The following AFG2A variants were observed in gnomAD, a reference collection of about 807,000 sequenced individuals.
AFG2A encodes the protein AAA ATPase AFG2A, also known as ATPase family gene 2 protein homolog A.
chr4:122,945,588 T>C, the AFG2A span, among the ~76,000 whole-genome samples: 4 of 152,306 alleles, frequency 2.6e-5, no homozygotes, highest in South Asian at 8.3e-4. Flanking sequence ...CCTGACCCCT[T>C]GCACTTCCCG....
the AFG2A span, among the ~76,000 whole-genome samples, chr4:123,023,321 T>A: frequency 6.6e-6 from 1 of 152,096 alleles, no homozygotes; most frequent in Non-Finnish European, 1.5e-5. Flanking sequence ...TCACACAATA[T>A]ACTTGTGTAA....
At chr4:123,028,034 G>T in the AFG2A span, 1 of 599,006 alleles carries the variant, frequency 1.7e-6, no homozygotes, top group Non-Finnish European at 2.8e-6. Context: ...TTTACTTCTT[G>T]TTATTCTTGG....
At chr4:123,216,673 T>TC in the AFG2A span, among the ~76,000 whole-genome samples, 1 of 151,436 alleles carries the variant, frequency 6.6e-6, no homozygotes, top group Non-Finnish European at 1.5e-5. Flanking sequence ...ACTTTTTTTT[T>TC]TTTTTTTAAA....
At chr4:123,072,970 T>C in the AFG2A span, among the ~76,000 whole-genome samples, 1 of 152,152 alleles carries the variant, frequency 6.6e-6, no homozygotes, top group African/African-American at 2.4e-5. Flanking sequence ...ATGTGATGTT[T>C]TGCTATATGT....
At chr4:123,292,596 G>A in the AFG2A span, among the ~76,000 whole-genome samples, 1 of 152,104 alleles carries the variant, frequency 6.6e-6, no homozygotes, top group Non-Finnish European at 1.5e-5. Context: ...ACCTAGCTTA[G>A]GCTCTGAGTG....
chr4:123,216,572 AAC>A, the AFG2A span, among the ~76,000 whole-genome samples: 2 of 152,342 alleles, frequency 1.3e-5, no homozygotes, highest in East Asian at 3.9e-4. Context: ...AACTATAAAT[AAC>A]ACAACATTTA....
chr4:123,114,051 G>T, the AFG2A span, among the ~76,000 whole-genome samples: 1 of 151,868 alleles, frequency 6.6e-6, no homozygotes, highest in Non-Finnish European at 1.5e-5. Flanking sequence ...AGGCCCTGAA[G>T]AGGGTAGACT....
the AFG2A span, among the ~76,000 whole-genome samples, chr4:123,250,119 A>G: frequency 3.1e-4 from 47 of 152,262 alleles, no homozygotes; most frequent in South Asian, 7.0e-3. Flanking sequence ...CAAGGTGTCT[A>G]TTTTAATACT....
chr4:123,254,565 AC>A, the AFG2A span, among the ~76,000 whole-genome samples: 3 of 151,900 alleles, frequency 2.0e-5, no homozygotes, highest in East Asian at 5.8e-4. Flanking sequence ...CTGTAGATAC[AC>A]ACAGAGAGAG....
chr4:123,232,631 G>A, the AFG2A span, among the ~76,000 whole-genome samples: 1 of 152,008 alleles, frequency 6.6e-6, no homozygotes, highest in African/African-American at 2.4e-5. Context: ...GAGTGTGGAA[G>A]AAAGAGATTG....
the AFG2A span, among the ~76,000 whole-genome samples, chr4:123,179,990 C>T: frequency 2.6e-5 from 4 of 152,154 alleles, no homozygotes; most frequent in South Asian, 4.2e-4. Flanking sequence ...GAGGCTGAGG[C>T]GGGAAGATCA....
the AFG2A span, among the ~76,000 whole-genome samples, chr4:123,074,447 CT>C: frequency 0.47 from 17,655 of 37,258 alleles, 2,602 homozygotes; most frequent in African/African-American, 0.53. Flanking sequence ...TTCTTTTTTT[CT>C]TTTTTTTTTT....
At chr4:122,939,079 T>C in the AFG2A span, among the ~76,000 whole-genome samples, 15 of 118,088 alleles carry the variant, frequency 1.3e-4, no homozygotes, top group South Asian at 2.7e-4. Flanking sequence ...TTCTTTCTTT[T>C]TTTTTTTTTT....
At chr4:122,998,171 G>A in the AFG2A span, among the ~76,000 whole-genome samples, 2 of 151,824 alleles carry the variant, frequency 1.3e-5, no homozygotes, top group African/African-American at 4.8e-5. Context: ...GTATCTTTTT[G>A]TTGTTGTTGT....
the AFG2A span, among the ~76,000 whole-genome samples, chr4:123,030,409 A>G: frequency 2.0e-5 from 3 of 152,204 alleles, no homozygotes; most frequent in East Asian, 5.8e-4. Flanking sequence ...TCTTTTTTTC[A>G]CTATGAGGAA....
At chr4:123,103,811 C>T in the AFG2A span, among the ~76,000 whole-genome samples, 3 of 151,982 alleles carry the variant, frequency 2.0e-5, no homozygotes, top group South Asian at 4.2e-4. Context: ...ACTACTCAGT[C>T]ATGAAAAGGA....
the AFG2A span, among the ~76,000 whole-genome samples, chr4:123,272,549 T>C: frequency 6.6e-6 from 1 of 152,022 alleles, no homozygotes; most frequent in African/African-American, 2.4e-5. Flanking sequence ...TCAGCAGAAG[T>C]AGACCTTTAG....
chr4:123,040,527 G>A, the AFG2A span, among the ~76,000 whole-genome samples: 7 of 152,076 alleles, frequency 4.6e-5, no homozygotes, highest in South Asian at 6.2e-4. Context: ...TTTATATTTC[G>A]TCTTTTTAGA....
the AFG2A span, among the ~76,000 whole-genome samples, chr4:123,117,596 A>C: frequency 6.6e-6 from 1 of 151,602 alleles, no homozygotes; most frequent in South Asian, 2.1e-4. Context: ...CACTCTTAAA[A>C]ATTTGCAGTT....
Sources: allele counts gnomAD v4.1 joint callset (sites outside exome capture counted in the v4.1 genomes callset), GRCh38; gene constraint gnomAD v4.1.1; transcripts MANE v1.5; gene names NCBI Gene and HGNC (gene_info 2026-07-23, HGNC 2026-07-21).